Variants in DLG2 observed in about 807,000 individuals in gnomAD.
The protein encoded by DLG2 is disks large homolog 2.
Under a neutral mutation model 132.5 loss-of-function variants are expected in DLG2, and 45 were observed. The observed-to-expected ratio is 0.34, with a 90% CI of 0.27 to 0.44. The LOEUF is 0.44. DLG2 is among the 20% of genes least tolerant of loss of function. The pLI is 1.00. For synonymous variants in DLG2, 424 were observed against 419.6 expected (o/e 1.01, Z -0.13); for missense variants, 1,045 against 1,196.9 (o/e 0.87, Z 1.87).
intron 5 of DLG2, among the ~76,000 whole-genome samples, chr11:85,117,038 C>A (rs565830007): frequency 1.3e-5 from 2 of 151,952 alleles, no homozygotes; most frequent in Non-Finnish European, 2.9e-5. Context: ...AGTGAGATAA[C>A]GTGGCAAATT....
At chr11:83,676,224 A>G (rs922256456) in intron 18 of DLG2, among the ~76,000 whole-genome samples, 6 of 152,298 alleles carry the variant, frequency 3.9e-5, no homozygotes, top group African/African-American at 1.4e-4. Flanking sequence ...GGATGTGACT[A>G]TGAAAACAAG....
intron 7 of DLG2, among the ~76,000 whole-genome samples, chr11:84,292,234 A>C (rs2098011725): frequency 6.6e-6 from 1 of 152,182 alleles, no homozygotes. Flanking sequence ...CCAGGCTCAG[A>C]GTAACGACAT....
intron 6 of DLG2, among the ~76,000 whole-genome samples, chr11:84,811,444 A>G (rs1426027960): frequency 3.9e-5 from 6 of 152,154 alleles, no homozygotes; most frequent in African/African-American, 1.2e-4. Context: ...AAACCTTTGG[A>G]TATGAGAGTG....
At chr11:83,548,596 T>C (rs2096297615) in intron 19 of DLG2, among the ~76,000 whole-genome samples, 1 of 152,128 alleles carries the variant, frequency 6.6e-6, no homozygotes, top group African/African-American at 2.4e-5. Context: ...TGAGTGCCTG[T>C]TATTGGCCAG....
At chr11:84,328,257 A>G (rs766025970) in intron 7 of DLG2, among the ~76,000 whole-genome samples, 1 of 152,076 alleles carries the variant, frequency 6.6e-6, no homozygotes, top group African/African-American at 2.4e-5. Flanking sequence ...TGAAGAGGAA[A>G]AAAAGGAGGA....
intron 4 of DLG2, among the ~76,000 whole-genome samples, chr11:85,214,810 T>C (rs189298184): frequency 5.4e-4 from 82 of 152,320 alleles, no homozygotes; most frequent in African/African-American, 1.8e-3. Flanking sequence ...AAATACTCTG[T>C]AATAAATATT....
chr11:84,747,610 A>T (rs1171815774), intron 6 of DLG2, among the ~76,000 whole-genome samples: 2 of 152,226 alleles, frequency 1.3e-5, no homozygotes, highest in Non-Finnish European at 2.9e-5. Flanking sequence ...TAATATGAAA[A>T]TACTTGTCCT....
intron 6 of DLG2, among the ~76,000 whole-genome samples, chr11:85,004,069 C>T (rs1402193035): frequency 3.3e-5 from 5 of 152,148 alleles, no homozygotes; most frequent in South Asian, 4.1e-4. Flanking sequence ...TTTATGGCTG[C>T]ATACTATTCC....
At chr11:84,608,467 C>T (rs771677090) in intron 6 of DLG2, among the ~76,000 whole-genome samples, 14 of 152,140 alleles carry the variant, frequency 9.2e-5, no homozygotes, top group African/African-American at 2.9e-4. Context: ...TGCTAAGATT[C>T]GGTGAGAAAC....
At chr11:83,521,708 C>T (rs1835762) in intron 21 of DLG2, among the ~76,000 whole-genome samples, 1 of 151,984 alleles carries the variant, frequency 6.6e-6, no homozygotes, top group African/African-American at 2.4e-5. Flanking sequence ...CAATTCTATT[C>T]AGGGTCCCCC....
intron 18 of DLG2, among the ~76,000 whole-genome samples, chr11:83,758,260 C>G (rs567373797): frequency 1.3e-5 from 2 of 152,210 alleles, no homozygotes; most frequent in East Asian, 3.9e-4. Context: ...TCTAGTTCAG[C>G]CTTCTTGGTC....
chr11:84,173,760 A>G (rs1159452298), intron 8 of DLG2, among the ~76,000 whole-genome samples: 1 of 152,112 alleles, frequency 6.6e-6, no homozygotes, highest in Non-Finnish European at 1.5e-5. Context: ...GCTTTTTCAC[A>G]TTTAAATACA....
chr11:83,588,354 G>A (rs1167504301), intron 19 of DLG2, among the ~76,000 whole-genome samples: 1 of 151,734 alleles, frequency 6.6e-6, no homozygotes, highest in African/African-American at 2.4e-5. Flanking sequence ...TAACTGGGAG[G>A]CACCCCCCAG....
chr11:85,601,045 CT>C (rs2080119232), intron 2 of DLG2, among the ~76,000 whole-genome samples: 1 of 152,148 alleles, frequency 6.6e-6, no homozygotes. Flanking sequence ...CATTATGTAG[CT>C]TATCCACCGC....
intron 6 of DLG2, among the ~76,000 whole-genome samples, chr11:84,985,303 T>C (rs879884578): frequency 1.3e-5 from 2 of 152,084 alleles, no homozygotes; most frequent in Non-Finnish European, 2.9e-5. Context: ...GCGTTAAAAC[T>C]GGAAATTAAC....
chr11:85,307,881 G>A (rs1026267708), intron 3 of DLG2, among the ~76,000 whole-genome samples: 14 of 152,118 alleles, frequency 9.2e-5, no homozygotes, highest in Non-Finnish European at 1.8e-4. Flanking sequence ...GAGGCTGGGC[G>A]CGGTGGCTCA....
chr11:83,960,574 C>T (rs2088362497), intron 14 of DLG2, among the ~76,000 whole-genome samples: 1 of 151,390 alleles, frequency 6.6e-6, no homozygotes, highest in South Asian at 2.1e-4. Context: ...TTGTGGAAAA[C>T]TTCATGGAGG....
At chr11:84,594,038 A>G (rs899564094) in intron 6 of DLG2, among the ~76,000 whole-genome samples, 1 of 152,186 alleles carries the variant, frequency 6.6e-6, no homozygotes, top group African/African-American at 2.4e-5. Context: ...ATTTCAAGAA[A>G]TTACATGAGA....
chr11:85,298,507 T>C (rs898764321), intron 3 of DLG2, among the ~76,000 whole-genome samples: 13 of 152,046 alleles, frequency 8.6e-5, no homozygotes, highest in Non-Finnish European at 1.5e-4. Context: ...ATTTCAGAAA[T>C]GTCAGTCACA....
Sources: allele counts gnomAD v4.1 joint callset (sites outside exome capture counted in the v4.1 genomes callset), GRCh38; gene constraint gnomAD v4.1.1; transcripts MANE v1.5; gene names NCBI Gene and HGNC (gene_info 2026-07-23, HGNC 2026-07-21).